The following PSD3 variants were observed in gnomAD, a reference collection of about 807,000 sequenced individuals.
PSD3 encodes PH and SEC7 domain-containing protein 3.
In PSD3, 49 loss-of-function variants were observed where a neutral mutation model predicts 105.5. The ratio of observed to expected loss-of-function variants is 0.46; its 90% CI spans 0.37 to 0.59. The LOEUF (loss-of-function observed/expected upper bound fraction) is 0.59. Among genes scored for constraint, PSD3 ranks in the 20% least tolerant of loss-of-function variants. The probability of loss-of-function intolerance (pLI) is 0.00; values close to 1 mark genes in which losing one functional copy is unlikely to be tolerated. For missense variants in PSD3, 1,561 were observed against 1,263.8 expected, an observed-to-expected ratio of 1.24 and a Z score of -3.57; for synonymous variants, 557 against 457.8, an observed-to-expected ratio of 1.22 and a Z score of -2.77.
chr8:18,773,237 T>C (rs551377290), intron 8 of PSD3, among the ~76,000 whole-genome samples: 6 of 152,316 alleles, frequency 3.9e-5, no homozygotes, highest in African/African-American at 1.2e-4. Flanking sequence ...TGCATGAAGA[T>C]ACTGTATTCA....
intron 12 of PSD3, among the ~76,000 whole-genome samples, chr8:18,589,821 G>A (rs1164527679): frequency 1.3e-5 from 2 of 152,122 alleles, no homozygotes; most frequent in Admixed American, 6.5e-5. Flanking sequence ...AAAGGCTGTG[G>A]GCAAGGGTCC....
At chr8:19,002,220 G>C (rs931219719) in intron 1 of PSD3, among the ~76,000 whole-genome samples, 4 of 152,072 alleles carry the variant, frequency 2.6e-5, no homozygotes, top group African/African-American at 9.6e-5. Context: ...CTATCTTCAA[G>C]CAAAATCACA....
chr8:18,763,221 C>A (rs548876207), intron 9 of PSD3, among the ~76,000 whole-genome samples: 1 of 152,116 alleles, frequency 6.6e-6, no homozygotes, highest in East Asian at 1.9e-4. Flanking sequence ...GTTTATGTAA[C>A]TTTAAGCTTT....
intron 2 of PSD3, among the ~76,000 whole-genome samples, chr8:18,928,157 G>A (rs1205587562): frequency 6.6e-6 from 1 of 152,166 alleles, no homozygotes; most frequent in African/African-American, 2.4e-5. Flanking sequence ...TAATCCCCAC[G>A]TGTCAAGGGC....
chr8:18,619,787 C>T (rs895240110), intron 11 of PSD3, among the ~76,000 whole-genome samples: 3 of 152,212 alleles, frequency 2.0e-5, no homozygotes, highest in East Asian at 1.9e-4. Context: ...TATAGCATCA[C>T]ATGACAGCAG....
At chr8:18,656,494 T>TA (rs1467513618) in intron 9 of PSD3, among the ~76,000 whole-genome samples, 2 of 125,094 alleles carry the variant, frequency 1.6e-5, no homozygotes, top group African/African-American at 3.3e-5. Context: ...ACCACTGACT[T>TA]AATCCAGTTT....
intron 15 of PSD3, among the ~76,000 whole-genome samples, chr8:18,542,785 C>T (rs1387898306): frequency 6.6e-6 from 1 of 152,144 alleles, no homozygotes. Flanking sequence ...GTAGCCCTTT[C>T]AGGTATGTGT....
intron 4 of PSD3, among the ~76,000 whole-genome samples, chr8:18,823,369 A>G (rs1396023797): frequency 5.9e-5 from 9 of 152,194 alleles, no homozygotes; most frequent in Non-Finnish European, 1.2e-4. Context: ...CATCCTTTAA[A>G]TCAGTTAAAA....
intron 11 of PSD3, among the ~76,000 whole-genome samples, chr8:18,623,631 G>T (rs1389193638): frequency 7.0e-6 from 1 of 143,730 alleles, no homozygotes; most frequent in Non-Finnish European, 1.5e-5. Context: ...GTTACTGAGC[G>T]AGACTCCATC....
At chr8:18,681,717 T>C (rs1349240042) in intron 9 of PSD3, among the ~76,000 whole-genome samples, 1 of 152,088 alleles carries the variant, frequency 6.6e-6, no homozygotes, top group African/African-American at 2.4e-5. Flanking sequence ...TAGTCAATGA[T>C]TAGGGTCACT....
chr8:18,790,158 T>C lies in PSD3; in HGVS notation c.2082+9137A>G, dbSNP rs181361535. Among the ~76,000 whole-genome samples the C allele has an allele frequency of 1.3e-3, 205 of 152,228 alleles. 1 individual carries two copies. Among genetic ancestry groups the C allele is most frequent in the African/African-American group, 4.2e-3 (174 of 41,532 alleles). ...TAAGAGGTCATAGAATCCAACAAAA[T>C]TGACCAGTGCATGATTAAACTATGG... On this transcript the variant is annotated intron_variant, in intron 8 of 15. Coordinates refer to ENST00000327040, the MANE Select transcript of PSD3 (RefSeq NM_015310.4).
rs1404765712 is a variant in PSD3 at position 18,529,940 on chromosome 8, G to T, written c.*5803C>A. ...ACGTCAAGAACCAATTAGGAAAAAT[G>T]ATATATTTGCAAAAATAGTTTGAGA... On this transcript the variant is annotated 3_prime_UTR_variant, in exon 16 of 16. Transcript: ENST00000327040. 1 of 152,256 alleles carries T rather than the reference G, an allele frequency of 6.6e-6. No homozygotes were observed. Among genetic ancestry groups the T allele is most frequent in the Non-Finnish European group, 1.5e-5 (1 of 68,022 alleles). 9.4% of individuals were successfully genotyped at this position (152,256 alleles called of 1,614,324 possible). A position where few individuals can be genotyped will look rare whatever the true frequency, so the allele number is the denominator to read the frequency against.
chr8:18,659,650 C>A (rs936971218), intron 9 of PSD3, among the ~76,000 whole-genome samples: 18 of 152,184 alleles, frequency 1.2e-4, no homozygotes, highest in African/African-American at 3.6e-4. Context: ...AGAATATATT[C>A]AAATAATCTG....
At chr8:18,789,045 A>C (rs911165983) in intron 8 of PSD3, among the ~76,000 whole-genome samples, 3 of 152,212 alleles carry the variant, frequency 2.0e-5, no homozygotes, top group Non-Finnish European at 4.4e-5. Context: ...AACATTTAGG[A>C]ATATCTGATA....
At chr8:18,543,347 A>G (rs7009553) in intron 15 of PSD3, among the ~76,000 whole-genome samples, 113,045 of 151,992 alleles carry the variant, frequency 0.74, 42,212 homozygotes, top group East Asian at 0.86. Context: ...AGGCGCGGTG[A>G]CTCACACCTG....
At chr8:19,082,814 T>A (rs1009212057) in intron 1 of PSD3, among the ~76,000 whole-genome samples, 1 of 152,194 alleles carries the variant, frequency 6.6e-6, no homozygotes, top group Non-Finnish European at 1.5e-5. Context: ...TCATTCCTCC[T>A]AAATCCCGGT....
In PSD3 at chr8:18,734,539, C is replaced by G. The variant is rs1804004420; in HGVS notation, c.2172+30910G>C. The G allele has an allele frequency of 2.0e-5, 3 of 152,096 alleles. No individual in the cohort carries two copies. The South Asian group carries it at 6.2e-4, about 32-fold the overall frequency. 9.4% of individuals were successfully genotyped at this position (152,096 alleles called of 1,614,324 possible). ...GGTAAGTCTTTTCTCTTTCCAAGTC[C>G]TAGGTTCTCCATTTCATTTATTTGC... On this transcript the variant is annotated intron_variant, in intron 9 of 15. Coordinates refer to ENST00000327040, the MANE Select transcript of PSD3 (RefSeq NM_015310.4).
intron 9 of PSD3, among the ~76,000 whole-genome samples, chr8:18,670,995 C>G (rs1799753287): frequency 1.3e-5 from 2 of 152,180 alleles, no homozygotes; most frequent in South Asian, 4.1e-4. Context: ...CAGATGAGAT[C>G]AAGTCTTCCA....
Position 19,078,147 on chromosome 8 carries a change from C to T in PSD3, c.324+6059G>A, listed in dbSNP as rs767359958. ...CCAGGCTCAACTGAGATTCCTTCCT[C>T]GGCCTCCCAAAGCGCTGGGATTACA... On this transcript the variant is annotated intron_variant, in intron 1 of 1. Transcript: ENST00000521475. Among the ~76,000 whole-genome samples the T allele has an allele frequency of 4.6e-5, 7 of 152,236 alleles. No homozygotes were observed. In the East Asian group the frequency reaches 9.7e-4, roughly 21 times the overall value.
Sources: allele counts gnomAD v4.1 joint callset (sites outside exome capture counted in the v4.1 genomes callset), GRCh38; gene constraint gnomAD v4.1.1; transcripts MANE v1.5; gene names NCBI Gene and HGNC (gene_info 2026-07-23, HGNC 2026-07-21).